Variants in MORN1 observed in about 807,000 individuals in gnomAD.
MORN1 encodes MORN repeat containing 1.
Under a neutral mutation model 61.9 loss-of-function variants are expected in MORN1, and 67 were observed. That is an observed-to-expected ratio of 1.08 (90% CI 0.89 to 1.33). The LOEUF is 1.33. Among genes scored for constraint, MORN1 ranks in the 40% most tolerant of loss-of-function variants. MORN1 has a pLI of 0.00. For synonymous variants in MORN1, 301 were observed against 292.0 expected (o/e 1.03, Z -0.31); for missense variants, 752 against 691.2 (o/e 1.09, Z -0.99).
At chr1:2,340,747 G>A (rs965063077) in intron 10 of MORN1, among the ~76,000 whole-genome samples, 1 of 152,068 alleles carries the variant, frequency 6.6e-6, no homozygotes, top group Admixed American at 6.6e-5. Context: ...ACACCAGACT[G>A]CCACACAGGC....
chr1:2,335,490 A>T (rs1240986430), intron 12 of MORN1, among the ~76,000 whole-genome samples: 2 of 152,146 alleles, frequency 1.3e-5, no homozygotes, highest in Non-Finnish European at 2.9e-5. Flanking sequence ...AAGCCCTTCT[A>T]GGGCGGCGAC....
chr1:2,348,647 G>A (rs1264548297), intron 10 of MORN1, among the ~76,000 whole-genome samples: 1 of 150,916 alleles, frequency 6.6e-6, no homozygotes. Flanking sequence ...ACCTGCGCAG[G>A]CACGCACACA....
chr1:2,323,091 C>T (rs1048618634), intron 13 of MORN1: 1 of 985,298 alleles, frequency 1.0e-6, no homozygotes, highest in Non-Finnish European at 1.2e-6. Flanking sequence ...CAGCGCCTAG[C>T]CGATTCCTGT....
intron 10 of MORN1, among the ~76,000 whole-genome samples, chr1:2,338,758 G>T (rs2100260370): frequency 6.6e-6 from 1 of 152,272 alleles, no homozygotes; most frequent in East Asian, 1.9e-4. Context: ...GAGGCTTGGG[G>T]GTTCTGACCA....
rs369883757 is a variant in MORN1 at position 2,372,844 on chromosome 1, G to A, written c.635-253C>T. ...TGGAATCGAACCAAGTGGACCACCG[G>A]GGCCACGGAGCATGCAAGAGACACA... On this transcript the variant is annotated intron_variant, in intron 7 of 13. Transcript: ENST00000378531. This position sits in a 1 kb window ranked among gnomAD's most constrained non-coding sequence, Gnocchi z 5.4. 4.6e-5 allele frequency among the ~76,000 whole-genome samples: 7 copies of A among 152,392 alleles called. No homozygotes were observed. Among genetic ancestry groups the A allele is most frequent in the African/African-American group, 1.7e-4 (7 of 41,596 alleles).
intron 8 of MORN1, among the ~76,000 whole-genome samples, chr1:2,370,747 G>T (rs556026027): frequency 6.6e-5 from 10 of 151,272 alleles, no homozygotes; most frequent in Non-Finnish European, 1.3e-4. Context: ...GCAGTCACGG[G>T]GCTCACTGTA....
rs768650471 is a variant in MORN1, at chr1:2,372,517, C to G, written c.709G>C (p.Val237Leu). ...VAQGSPFSVN[V>L]QLLQDHGEIA... ...TCCCCGTGGTCCTGCAGCAGCTGAACGTTCACCGAGAAGGGAGACCCTTGG... is the reference window on the plus strand; with the variant it reads ...TCCCCGTGGTCCTGCAGCAGCTGAAGGTTCACCGAGAAGGGAGACCCTTGG... Residue 237 changes from valine (V) to leucine (L), a missense_variant, in exon 8 of 14, where the codon GTT becomes CTT. Transcript: ENST00000378531. This position sits in a 1 kb window ranked among gnomAD's most constrained non-coding sequence, Gnocchi z 5.4. The G allele has an allele frequency of 6.2e-7, 1 of 1,613,978 alleles. No homozygotes were observed. The highest frequency in any genetic ancestry group is 8.5e-7 in the Non-Finnish European group (1 of 1,179,962).
chr1:2,345,899 GC>G (rs1641505537), intron 10 of MORN1, among the ~76,000 whole-genome samples: 1 of 151,820 alleles, frequency 6.6e-6, no homozygotes, highest in Non-Finnish European at 1.5e-5. Flanking sequence ...GAGCTCACAC[GC>G]CCCAGGCCCA....
intron 8 of MORN1, among the ~76,000 whole-genome samples, chr1:2,370,168 A>G (rs923856178): frequency 6.6e-5 from 10 of 152,216 alleles, no homozygotes; most frequent in African/African-American, 2.4e-4. Flanking sequence ...AGTGGAGCAG[A>G]CGGGGGGTCC....
chr1:2,332,682 A>G (rs1216522613), intron 12 of MORN1: 3 of 456,542 alleles, frequency 6.6e-6, no homozygotes, highest in South Asian at 4.6e-5. Flanking sequence ...TGTTGTCCAC[A>G]CTGCAGAATC....
intron 13 of MORN1, chr1:2,323,153 C>G: frequency 1.0e-6 from 1 of 985,406 alleles, no homozygotes; most frequent in Non-Finnish European, 1.2e-6. Flanking sequence ...CGCGGTGGAC[C>G]GGTTGATGGT....
Position 2,332,895 on chromosome 1 carries a change from G to A in MORN1, c.1250+3574C>T, listed in dbSNP as rs1001188319. The A allele has an allele frequency of 8.2e-6, 3 of 364,424 alleles. No homozygotes were observed. In the Admixed American group the frequency reaches 1.1e-4, roughly 13 times the overall value. 22.6% of individuals were successfully genotyped at this position (364,424 alleles called of 1,614,324 possible). A position where few individuals can be genotyped will look rare whatever the true frequency, so the allele number is the denominator to read the frequency against. ...AGGGGCCAAGCTCTGTCGGGGACTG[G>A]GGCTCGGGCTGGGGCTCCGTGACCT... is the stretch of plus-strand genomic sequence containing the variant. On this transcript the variant is annotated intron_variant, in intron 12 of 13. Coordinates refer to ENST00000378531, the MANE Select transcript of MORN1 (RefSeq NM_024848.3).
intron 2 of MORN1, among the ~76,000 whole-genome samples, chr1:2,389,608 C>T (rs748261499): frequency 2.6e-5 from 4 of 152,238 alleles, no homozygotes; most frequent in Non-Finnish European, 5.9e-5. Flanking sequence ...GGATTTACTA[C>T]AAGAGTAGGT....
chr1:2,346,806 C>T (rs962149222), intron 10 of MORN1, among the ~76,000 whole-genome samples: 3 of 152,310 alleles, frequency 2.0e-5, no homozygotes, highest in South Asian at 2.1e-4. Context: ...CCAGCCGGTC[C>T]GAGTACCGAG....
At chr1:2,327,436 C>T (rs548521772) in intron 12 of MORN1, among the ~76,000 whole-genome samples, 4 of 142,974 alleles carry the variant, frequency 2.8e-5, no homozygotes, top group South Asian at 2.3e-4. Context: ...AGAAACACAG[C>T]GACGCAGAAA....
rs1391793337 is a variant in MORN1, at chr1:2,334,988, A to G, written c.1250+1481T>C. Reference sequence around the variant, plus strand: ...CTTTTGGCTCTCGCAGACGCTCCTGAGGCCGAGTCACTGGGCAAACAGGGC... The same window carrying G: ...CTTTTGGCTCTCGCAGACGCTCCTGGGGCCGAGTCACTGGGCAAACAGGGC... On this transcript the variant is annotated intron_variant, in intron 12 of 13. Coordinates refer to ENST00000378531, the MANE Select transcript of MORN1 (RefSeq NM_024848.3). This position sits in a 1 kb window ranked among gnomAD's most constrained non-coding sequence, Gnocchi z 5.4. 6.6e-6 allele frequency among the ~76,000 whole-genome samples: 1 copy of G among 152,224 alleles called. No homozygotes were observed. Among genetic ancestry groups the G allele is most frequent in the African/African-American group, 2.4e-5 (1 of 41,448 alleles).
chr1:2,324,285 G>A (rs1216825585), intron 12 of MORN1, 142 bp from the exon 13 acceptor site: 2 of 800,124 alleles, frequency 2.5e-6, no homozygotes, highest in Non-Finnish European at 3.9e-6. Flanking sequence ...CCACCTCGGG[G>A]CCATGGGCAG....
rs1557895549 is a variant in MORN1, at chr1:2,387,420, T to A, written c.357A>T (p.Glu119Asp). ...YEGEVSHGMR[E>D]GHGFLVDRDG... is the part of the protein sequence containing the mutation. ...ACCCGGCTCCTGTGGGCGCCAGACC[T>A]TCCCGCATGCCGTGGGAGACCTCCC... Residue 119 changes from glutamate (E) to aspartate (D), a missense_variant and splice_region_variant, in exon 4 of 14, where the codon GAA (glutamate) becomes GAT (aspartate). Physicochemically the swap from Glu to Asp is conservative, Grantham distance 45. Coordinates refer to ENST00000378531, the MANE Select transcript of MORN1 (RefSeq NM_024848.3). 1 of 1,612,066 alleles carries A rather than the reference T, an allele frequency of 6.2e-7. No homozygotes were observed.
At chr1:2,342,881 ATT>A (rs545102621) in intron 10 of MORN1, among the ~76,000 whole-genome samples, 15 of 97,578 alleles carry the variant, frequency 1.5e-4, no homozygotes, top group Non-Finnish European at 3.5e-4. Flanking sequence ...ATTTTATTTT[ATT>A]TTATTTTATT....
Sources: allele counts gnomAD v4.1 joint callset (sites outside exome capture counted in the v4.1 genomes callset), GRCh38; gene constraint gnomAD v4.1.1; non-coding constraint Gnocchi (gnomAD v3.1); transcripts MANE v1.5; gene names NCBI Gene and HGNC (gene_info 2026-07-23, HGNC 2026-07-21).